Variants in DOCK10 observed in about 807,000 individuals in gnomAD.
DOCK10 encodes the protein dedicator of cytokinesis 10.
In DOCK10, 145 loss-of-function variants were observed where a neutral mutation model predicts 280.1. The ratio of observed to expected loss-of-function variants is 0.52; its 90% CI spans 0.45 to 0.59. The LOEUF is 0.59. DOCK10 is among the 20% of genes least tolerant of loss of function. DOCK10 has a pLI of 0.00. For missense variants in DOCK10, 2,368 were observed against 2,651.7 expected (o/e 0.89, Z 2.35); for synonymous variants, 915 against 942.2 (o/e 0.97, Z 0.53).
intron 11 of DOCK10, among the ~76,000 whole-genome samples, chr2:224,865,963 T>A (rs1697887231): frequency 6.6e-6 from 1 of 152,084 alleles, no homozygotes; most frequent in Non-Finnish European, 1.5e-5. Context: ...TGAGAGCAAG[T>A]TTCCCATATT....
chr2:224,784,837 C>T (rs906132347), intron 50 of DOCK10: 7 of 1,135,782 alleles, frequency 6.2e-6, no homozygotes, highest in African/African-American at 3.2e-5. Context: ...GCTTTAGAGC[C>T]CATATCTCAT....
In DOCK10 at chr2:224,834,061, A is replaced by G. The variant is rs927518462; in HGVS notation, c.2964+89T>C. 4.0e-5 allele frequency: 30 copies of G among 754,146 alleles called. No homozygotes were observed. The South Asian group carries it at 4.2e-4, about 11-fold the overall frequency. The allele number at this position is 754,146 out of a possible 1,614,324, so 46.7% of individuals were successfully genotyped here. A position where few individuals can be genotyped will look rare whatever the true frequency, so the allele number is the denominator to read the frequency against. On this transcript the variant is annotated intron_variant, in intron 26 of 55. Coordinates refer to ENST00000258390, the MANE Select transcript of DOCK10 (RefSeq NM_014689.3). The stretch of plus-strand genomic sequence containing the variant: ...CTGGAAACTGCAAGAGAAAAAGTCT[A>G]TGAAAATCCATGACTCCTATCATTT...
Position 224,804,139 on chromosome 2 carries a change from C to A in DOCK10, c.4241G>T (p.Cys1414Phe), listed in dbSNP as rs1252640025. ...TTGTGACAAGAGACCTGATGTCTGGCAGGAAGGATTGGATCCTTTGAGAGT... is the reference window on the plus strand; with the variant it reads ...TTGTGACAAGAGACCTGATGTCTGGAAGGAAGGATTGGATCCTTTGAGAGT... ...NGTLKGSNPS[C>F]QTSGLLSQWM... The change falls in exon 39 of 56, where the codon TGC becomes TTC. Residue 1414 changes from cysteine (C) to phenylalanine (F), a missense_variant. Physicochemically the swap from Cys to Phe is radical, Grantham distance 205. This residue lies in a region of DOCK10 where 1,159 missense variants were observed against 1,400.8 expected (regional missense o/e 0.83). Transcript: ENST00000258390. 5 of 1,611,146 alleles carry A rather than the reference C, an allele frequency of 3.1e-6. No individual in the cohort carries two copies. Among genetic ancestry groups the A allele is most frequent in the Non-Finnish European group, 4.2e-6 (5 of 1,178,094 alleles).
chr2:224,773,357 A>C lies in DOCK10; in HGVS notation c.6014-10T>G. ...GGGAACAGGTGACTCGCTGTACAAA[A>C]GCCATACAAAGGGATTTCAAGGTTG... On this transcript the variant is annotated splice_polypyrimidine_tract_variant and intron_variant, in intron 52 of 55. Transcript: ENST00000258390. 1 of 1,601,834 alleles carries C rather than the reference A, an allele frequency of 6.2e-7. No homozygotes were observed. Among genetic ancestry groups the C allele is most frequent in the Non-Finnish European group, 8.5e-7 (1 of 1,173,852 alleles).
chr2:225,017,747 A>C (rs1330005617), intron 1 of DOCK10, among the ~76,000 whole-genome samples: 1 of 151,166 alleles, frequency 6.6e-6, no homozygotes, highest in Non-Finnish European at 1.5e-5. Flanking sequence ...GGCCTTGCTG[A>C]ATATGTTTAA....
chr2:224,823,858 T>C (rs1694668456), intron 27 of DOCK10, among the ~76,000 whole-genome samples: 1 of 152,338 alleles, frequency 6.6e-6, no homozygotes, highest in South Asian at 2.1e-4. Flanking sequence ...TTTTGGTCAA[T>C]AAAATTTTCA....
intron 1 of DOCK10, among the ~76,000 whole-genome samples, chr2:225,036,342 T>C (rs758766761): frequency 2.0e-5 from 3 of 152,202 alleles, no homozygotes; most frequent in Non-Finnish European, 4.4e-5. Flanking sequence ...CCCATTTTCG[T>C]TTCTAAGTGG....
Position 224,862,687 on chromosome 2 carries a change from A to G in DOCK10, c.1662T>C (p.Arg554=), listed in dbSNP as rs1697589493. The change falls in exon 14 of 56, where the codon CGT becomes CGC. Residue 554 remains arginine, a synonymous_variant. Transcript: ENST00000258390. ...ACCTTACTGCCCAAGCAAAAGGCAT[A>G]CGGTATTTTCCCAATTTGCTGCAGA... ...RQFCSKLGKY[R]MPFAWAVRSV... 1 of 1,613,286 alleles carries G rather than the reference A, an allele frequency of 6.2e-7. No individual in the cohort carries two copies. The highest frequency in any genetic ancestry group is 8.5e-7 in the Non-Finnish European group (1 of 1,179,466).
chr2:224,767,444 G>GT (rs1690133857), intron 55 of DOCK10, among the ~76,000 whole-genome samples: 1 of 152,174 alleles, frequency 6.6e-6, no homozygotes, highest in Admixed American at 6.5e-5. Context: ...GATTACAGGT[G>GT]TGAGCCACTG....
In DOCK10 at chr2:224,888,716, G is replaced by A. The variant is rs569501736; in HGVS notation, c.417-2185C>T. Among the ~76,000 whole-genome samples, 10 of 151,448 alleles carry A rather than the reference G, an allele frequency of 6.6e-5. No homozygotes were observed. In the South Asian group the frequency reaches 1.9e-3, roughly 28 times the overall value. On this transcript the variant is annotated intron_variant, in intron 4 of 55. Coordinates refer to ENST00000258390, the MANE Select transcript of DOCK10 (RefSeq NM_014689.3). ...GTATGTATATGTGGTGTGAATATGTGTATGTATGTGTGTGAATATATGTGT... is the reference window on the plus strand; with the variant it reads ...GTATGTATATGTGGTGTGAATATGTATATGTATGTGTGTGAATATATGTGT...
intron 3 of DOCK10, among the ~76,000 whole-genome samples, chr2:224,899,810 C>A (rs1250726814): frequency 6.6e-6 from 1 of 152,080 alleles, no homozygotes; most frequent in African/African-American, 2.4e-5. Flanking sequence ...TTTAAGGATT[C>A]TTTGATAAAA....
intron 16 of DOCK10, among the ~76,000 whole-genome samples, chr2:224,854,542 A>C (rs1404024897): frequency 6.6e-6 from 1 of 152,006 alleles, no homozygotes; most frequent in Non-Finnish European, 1.5e-5. Context: ...AGTGAGAGGA[A>C]CTCCCTCAAT....
Position 224,823,596 on chromosome 2 carries a change from G to C in DOCK10, c.3088C>G (p.Leu1030Val). The C allele has an allele frequency of 5.6e-6, 9 of 1,606,302 alleles. No individual in the cohort carries two copies. The highest frequency in any genetic ancestry group is 7.6e-6 in the Non-Finnish European group (9 of 1,177,570). The change falls in exon 28 of 56, where the codon CTT becomes GTT. Residue 1030 changes from leucine (L) to valine (V), a missense_variant. This residue lies in a region of DOCK10 where 1,209 missense variants were observed against 1,250.9 expected (regional missense o/e 0.97). Transcript: ENST00000258390. ...ACATGGTCGGATAGGACCATGACAA[G>C]ATTGTCCAATTCATTTTGGTAAGAT... ...PESYQNELDN[L>V]VMVLSDHVIW...
At chr2:225,030,976 C>G (rs1399225413) in intron 1 of DOCK10, among the ~76,000 whole-genome samples, 2 of 152,196 alleles carry the variant, frequency 1.3e-5, no homozygotes, top group East Asian at 3.8e-4. Context: ...AATCTATACT[C>G]CTGTCATCTC....
chr2:225,040,768 C>A (rs1235168306), intron 1 of DOCK10, among the ~76,000 whole-genome samples: 1 of 152,176 alleles, frequency 6.6e-6, no homozygotes, highest in Non-Finnish European at 1.5e-5. Flanking sequence ...AACCACAATT[C>A]TGAATGATCA....
intron 50 of DOCK10, among the ~76,000 whole-genome samples, chr2:224,778,808 C>G (rs570758049): frequency 3.9e-5 from 6 of 152,226 alleles, no homozygotes; most frequent in African/African-American, 1.4e-4. Context: ...ATGTAGTTGT[C>G]GTAACAGAAA....
chr2:224,794,846 C>T (rs1260423687), intron 45 of DOCK10, 33 bp downstream of exon 45: 30 of 1,605,272 alleles, frequency 1.9e-5, no homozygotes, highest in Non-Finnish European at 2.5e-5. Context: ...GAGGACAATA[C>T]TGATGGTAAA....
chr2:224,963,163 C>A (rs1351824942), intron 1 of DOCK10, among the ~76,000 whole-genome samples: 2 of 152,168 alleles, frequency 1.3e-5, no homozygotes, highest in African/African-American at 4.8e-5. Flanking sequence ...ATTGTCTAGC[C>A]TGTTTCATTT....
chr2:224,778,235 T>C lies in DOCK10; in HGVS notation c.5705A>G (p.Lys1902Arg), dbSNP rs757934719. 6.8e-6 allele frequency: 11 copies of C among 1,609,868 alleles called. No individual in the cohort carries two copies. Among genetic ancestry groups the C allele is most frequent in the African/African-American group, 2.7e-5 (2 of 74,904 alleles). ...GGAAATCTCGGACAGACCTGTCAGC[T>C]TAGGCTCTTTATAAATATACTCTTT... ...EGKEYIYKEP[K>R]LTGLSEISQR... The change falls in exon 51 of 56, where the codon AAG (lysine) becomes AGG (arginine). Residue 1902 changes from lysine to arginine, a missense_variant. Lys to Arg is a conservative substitution (Grantham distance 26). Transcript: ENST00000258390.
Sources: allele counts gnomAD v4.1 joint callset (sites outside exome capture counted in the v4.1 genomes callset), GRCh38; gene constraint gnomAD v4.1.1; regional missense constraint gnomAD v4.1.1; transcripts MANE v1.5; gene names NCBI Gene and HGNC (gene_info 2026-07-23, HGNC 2026-07-21).